Variants in RIC8B observed in about 807,000 individuals in gnomAD.
RIC8B encodes chaperone Ric-8B.
In RIC8B, 16 loss-of-function variants were observed where a neutral mutation model predicts 57.5. The ratio of observed to expected loss-of-function variants is 0.28; its 90% confidence interval spans 0.19 to 0.42. RIC8B has a LOEUF of 0.42. RIC8B is among the 10% of genes least tolerant of loss of function. The pLI, the probability that RIC8B is intolerant of heterozygous loss-of-function variation, is 1.00. For missense variants in RIC8B, 481 were observed against 677.0 expected (o/e 0.71, Z 3.21); for synonymous variants, 216 against 250.8 (o/e 0.86, Z 1.31).
intron 2 of RIC8B, among the ~76,000 whole-genome samples, chr12:106,803,360 G>A (rs2044841806): frequency 6.6e-6 from 1 of 151,290 alleles, no homozygotes; most frequent in African/African-American, 2.4e-5. Context: ...GCTAGTGTTT[G>A]TTAATGGTAA....
In RIC8B at chr12:106,774,771, T is replaced by C. The variant is rs2043358385; in HGVS notation, c.26T>C (p.Ile9Thr). MDEERALY[I>T]VRAGEAGAIE... is the part of the protein sequence containing the mutation. ...ATGGATGAGGAGCGCGCCCTCTACA[T>C]CGTCCGGGCCGGCGAAGCAGGGGCT... Residue 9 changes from isoleucine to threonine, a missense_variant, in exon 1 of 10, where the codon ATC (isoleucine) becomes ACC (threonine). Physicochemically the swap from Ile to Thr is moderately conservative, Grantham distance 89. This residue lies in a region of RIC8B where 421 missense variants were observed against 560.9 expected (regional missense o/e 0.75). Coordinates refer to ENST00000392837, the MANE Select transcript of RIC8B (RefSeq NM_001330145.2). The C allele has an allele frequency of 6.4e-7, 1 of 1,552,156 alleles. No individual in the cohort carries two copies. Among genetic ancestry groups the C allele is most frequent in the Non-Finnish European group, 8.7e-7 (1 of 1,147,226 alleles).
chr12:106,877,278 A>G (rs1370352642), intron 9 of RIC8B, among the ~76,000 whole-genome samples: 7 of 152,198 alleles, frequency 4.6e-5, no homozygotes, highest in African/African-American at 1.4e-4. Context: ...AGATTAAGTA[A>G]CTAACCCAAG....
chr12:106,860,024 C>T (rs556818636), intron 7 of RIC8B, among the ~76,000 whole-genome samples: 2 of 152,164 alleles, frequency 1.3e-5, no homozygotes, highest in South Asian at 2.1e-4. Flanking sequence ...CCACTTTTGC[C>T]ATAAAGTGTG....
At chr12:106,800,912 A>G (rs2044702662) in intron 2 of RIC8B, among the ~76,000 whole-genome samples, 1 of 152,206 alleles carries the variant, frequency 6.6e-6, no homozygotes. Context: ...TGTTATTGTG[A>G]CAGTGTTCAT....
chr12:106,869,541 T>C (rs986832769), intron 8 of RIC8B, among the ~76,000 whole-genome samples: 2 of 152,186 alleles, frequency 1.3e-5, no homozygotes, highest in African/African-American at 4.8e-5. Flanking sequence ...CTCACTCACT[T>C]GCTTATCTTA....
chr12:106,860,233 G>T, intron 7 of RIC8B, 35 bp from the exon 8 acceptor site: 1 of 1,507,166 alleles, frequency 6.6e-7, no homozygotes, highest in Non-Finnish European at 8.9e-7. Context: ...GAAGACCCAA[G>T]GATTCCTATC....
chr12:106,808,672 C>G (rs1216314322), intron 2 of RIC8B, among the ~76,000 whole-genome samples: 1 of 152,130 alleles, frequency 6.6e-6, no homozygotes, highest in African/African-American at 2.4e-5. Context: ...GATCTAGCAA[C>G]AAGGAGCTGG....
intron 2 of RIC8B, among the ~76,000 whole-genome samples, chr12:106,795,524 TATG>T (rs1161520479): frequency 2.6e-5 from 4 of 152,166 alleles, no homozygotes. Flanking sequence ...TTCGATCAGG[TATG>T]ATGTTTACAT....
intron 2 of RIC8B, among the ~76,000 whole-genome samples, chr12:106,794,460 G>C (rs2044388616): frequency 6.6e-6 from 1 of 152,122 alleles, no homozygotes; most frequent in South Asian, 2.1e-4. Flanking sequence ...GAAGTTCAGT[G>C]AACCCAAAGA....
intron 2 of RIC8B, among the ~76,000 whole-genome samples, chr12:106,806,839 A>AT (rs375340473): frequency 2.0e-3 from 302 of 152,306 alleles, no homozygotes; most frequent in African/African-American, 6.7e-3. Context: ...AAATAAATAA[A>AT]TAAATAAAAG....
chr12:106,833,661 C>T (rs1422056043), intron 4 of RIC8B, among the ~76,000 whole-genome samples: 1 of 152,086 alleles, frequency 6.6e-6, no homozygotes, highest in Non-Finnish European at 1.5e-5. Context: ...TGCACACTTA[C>T]TATTTAAGTA....
At chr12:106,882,615 G>A (rs1016021238) in intron 9 of RIC8B, among the ~76,000 whole-genome samples, 1 of 152,098 alleles carries the variant, frequency 6.6e-6, no homozygotes, top group Non-Finnish European at 1.5e-5. Context: ...GCTGGTAAGT[G>A]GAGGAGAACC....
intron 2 of RIC8B, among the ~76,000 whole-genome samples, chr12:106,797,114 A>G (rs193001026): frequency 6.6e-6 from 1 of 152,310 alleles, no homozygotes; most frequent in Non-Finnish European, 1.5e-5. Context: ...GGATCCTCAA[A>G]AGGTTGAATA....
intron 4 of RIC8B, among the ~76,000 whole-genome samples, chr12:106,830,440 T>C (rs1430620886): frequency 6.6e-6 from 1 of 152,210 alleles, no homozygotes; most frequent in Non-Finnish European, 1.5e-5. Flanking sequence ...CGCTAATCAA[T>C]AGATAAGACA....
intron 1 of RIC8B, among the ~76,000 whole-genome samples, chr12:106,781,995 ATCTT>A (rs2043784228): frequency 1.3e-5 from 2 of 152,084 alleles, no homozygotes; most frequent in African/African-American, 4.8e-5. Flanking sequence ...CAGATTTACA[ATCTT>A]TCTTTCCTCT....
At chr12:106,841,780 G>T (rs545962199) in intron 4 of RIC8B, among the ~76,000 whole-genome samples, 1 of 152,252 alleles carries the variant, frequency 6.6e-6, no homozygotes, top group East Asian at 1.9e-4. Flanking sequence ...ATAACTCATG[G>T]AAGAAAATAT....
At chr12:106,785,498 T>C (rs1056945236) in intron 2 of RIC8B, among the ~76,000 whole-genome samples, 2 of 152,216 alleles carry the variant, frequency 1.3e-5, no homozygotes, top group Non-Finnish European at 2.9e-5. Flanking sequence ...TAGACACTGG[T>C]ATCTTTATAC....
rs7314291 is a variant in RIC8B at position 106,839,892 on chromosome 12, C to T, written c.837-2697C>T. 6.3e-3 allele frequency among the ~76,000 whole-genome samples: 959 copies of T among 151,930 alleles called. 5 individuals are homozygous for T. Among genetic ancestry groups the T allele is most frequent in the African/African-American group, 0.022 (927 of 41,406 alleles). ...TTAGCAAGGGGCATGGTGGCGTGTG[C>T]GTGTGGTCCCAGCTACTCAGGAGGC... On this transcript the variant is annotated intron_variant, in intron 4 of 9. Transcript: ENST00000392837.
At chr12:106,804,220 T>TG (rs35445813) in intron 2 of RIC8B, among the ~76,000 whole-genome samples, 3 of 58,208 alleles carry the variant, frequency 5.2e-5, no homozygotes, top group Non-Finnish European at 7.6e-5. Context: ...CCTTTCTTTC[T>TG]TTTTTTTTTT....
Sources: gnomAD v4.1 joint callset for allele counts (sites outside exome capture counted in the v4.1 genomes callset) on GRCh38, gnomAD v4.1.1 for gene constraint, gnomAD v4.1.1 regional missense constraint, MANE v1.5 for transcripts, NCBI Gene and HGNC (gene_info 2026-07-23, HGNC 2026-07-21) for gene names.